Variants in SNX13 observed in about 807,000 individuals in gnomAD.
SNX13 encodes the protein sorting nexin 13.
In SNX13, 45 loss-of-function variants were observed where a neutral mutation model predicts 133.6. That is an observed-to-expected ratio of 0.34 (90% confidence interval 0.27 to 0.43). The LOEUF (loss-of-function observed/expected upper bound fraction) is 0.43. SNX13 is among the 20% of genes least tolerant of loss of function. The probability of loss-of-function intolerance (pLI) is 1.00; values close to 1 mark genes in which losing one functional copy is unlikely to be tolerated. For synonymous variants in SNX13, 414 were observed against 373.9 expected (o/e 1.11, Z -1.24); for missense variants, 1,032 against 1,145.1 (o/e 0.90, Z 1.43).
chr7:17,815,111 T>C (rs1228363438), intron 19 of SNX13, among the ~76,000 whole-genome samples, 167 bp from the exon 20 acceptor site: 1 of 152,148 alleles, frequency 6.6e-6, no homozygotes, highest in Non-Finnish European at 1.5e-5. Flanking sequence ...TCACCAATAA[T>C]TTTATGACGA....
At position 17,849,246 on chromosome 7, in the gene SNX13, C is replaced by A. The variant is rs148148236; in HGVS notation, c.1065+1101G>T. 2.5e-3 allele frequency among the ~76,000 whole-genome samples: 379 copies of A among 152,310 alleles called. 1 individual carries two copies. Among genetic ancestry groups the A allele is most frequent in the African/African-American group, 8.7e-3 (362 of 41,586 alleles). On this transcript the variant is annotated intron_variant, in intron 11 of 25. Coordinates refer to ENST00000428135, the MANE Select transcript of SNX13 (RefSeq NM_015132.5). ...TCAGTAAACAGCACCACTATTTATA[C>A]AGTTGCTCAAACCAAAATACCCTGA... is the stretch of plus-strand genomic sequence containing the variant.
At chr7:17,880,988 C>T (rs1181007819) in intron 5 of SNX13, 2 of 151,906 alleles carry the variant, frequency 1.3e-5, no homozygotes, top group Non-Finnish European at 2.9e-5. Flanking sequence ...AGAGGGTGAT[C>T]GCTTGGCAGT....
At chr7:17,919,560 GTAT>G (rs1799906813) in intron 1 of SNX13, among the ~76,000 whole-genome samples, 5 of 152,174 alleles carry the variant, frequency 3.3e-5, no homozygotes, top group Admixed American at 3.3e-4. Context: ...GTCTGAAACT[GTAT>G]CTATAAAACA....
chr7:17,816,104 T>C, intron 19 of SNX13, 78 bp downstream of exon 19: 1 of 1,405,188 alleles, frequency 7.1e-7, no homozygotes, highest in Non-Finnish European at 9.4e-7. Context: ...TTCTGTGTGC[T>C]ATATTAAATG....
chr7:17,869,664 C>G (rs985814976), intron 8 of SNX13, among the ~76,000 whole-genome samples: 1 of 152,148 alleles, frequency 6.6e-6, no homozygotes, highest in Admixed American at 6.5e-5. Context: ...CCAAAAAGCA[C>G]TAATGGAGGC....
intron 17 of SNX13, among the ~76,000 whole-genome samples, chr7:17,823,895 G>C (rs991076190): frequency 1.3e-5 from 2 of 151,568 alleles, no homozygotes; most frequent in Non-Finnish European, 2.9e-5. Flanking sequence ...GAATAGCAAG[G>C]AACAAAAAAG....
chr7:17,847,163 G>A (rs139494800), intron 11 of SNX13, among the ~76,000 whole-genome samples: 229 of 152,152 alleles, frequency 1.5e-3, no homozygotes, highest in African/African-American at 2.6e-3. Flanking sequence ...AAGTGAAACC[G>A]TATCTTTCTT....
intron 1 of SNX13, among the ~76,000 whole-genome samples, chr7:17,910,968 G>A (rs1798916812): frequency 6.6e-6 from 1 of 152,166 alleles, no homozygotes; most frequent in South Asian, 2.1e-4. Context: ...ATTAGAGGTG[G>A]TGGTTGCATA....
At chr7:17,812,513 G>A (rs1354342946) in intron 20 of SNX13, among the ~76,000 whole-genome samples, 1 of 152,194 alleles carries the variant, frequency 6.6e-6, no homozygotes, top group Non-Finnish European at 1.5e-5. Context: ...TGGAGAGGAT[G>A]TGGAGATACA....
intron 1 of SNX13, among the ~76,000 whole-genome samples, chr7:17,918,461 CA>C (rs1286350860): frequency 6.6e-6 from 1 of 151,260 alleles, no homozygotes; most frequent in Non-Finnish European, 1.5e-5. Context: ...TAAAAATGGG[CA>C]AAGGATATGA....
chr7:17,826,322 T>C (rs1430930209), intron 16 of SNX13, among the ~76,000 whole-genome samples: 1 of 151,910 alleles, frequency 6.6e-6, no homozygotes, highest in Non-Finnish European at 1.5e-5. Flanking sequence ...AAACTTAATA[T>C]ATTAGATTAT....
At chr7:17,884,762 T>G (rs1795788341) in intron 5 of SNX13, among the ~76,000 whole-genome samples, 2 of 152,076 alleles carry the variant, frequency 1.3e-5, no homozygotes, top group Admixed American at 6.6e-5. Context: ...AATAAGCACA[T>G]GAAAAGATGC....
At chr7:17,849,120 A>C (rs1160232092) in intron 11 of SNX13, among the ~76,000 whole-genome samples, 1 of 152,210 alleles carries the variant, frequency 6.6e-6, no homozygotes, top group Non-Finnish European at 1.5e-5. Context: ...CAAGATTGCC[A>C]ATTGGCATGT....
At chr7:17,843,623 C>T (rs1295544563) in intron 12 of SNX13, among the ~76,000 whole-genome samples, 1 of 152,014 alleles carries the variant, frequency 6.6e-6, no homozygotes, top group East Asian at 1.9e-4. Context: ...ACAGCTTCTT[C>T]TCAGGTACAC....
chr7:17,864,576 TG>T (rs1343080952), intron 9 of SNX13, among the ~76,000 whole-genome samples: 2 of 152,118 alleles, frequency 1.3e-5, no homozygotes, highest in African/African-American at 4.8e-5. Context: ...AGAGAGAGAC[TG>T]GGTAAAAAGT....
At position 17,870,657 on chromosome 7, in the gene SNX13, G is replaced by C. The variant is rs115076333; in HGVS notation, c.754-2167C>G. ...CACCACAGCCATCAAGAGGGTAAATGGGTTTCCTTTTGCATTAAAACTGAT... is the reference window on the plus strand; with the variant it reads ...CACCACAGCCATCAAGAGGGTAAATCGGTTTCCTTTTGCATTAAAACTGAT... On this transcript the variant is annotated intron_variant, in intron 8 of 25. Transcript: ENST00000428135. Among the ~76,000 whole-genome samples, 758 of 152,258 alleles carry C rather than the reference G, an allele frequency of 5.0e-3. 8 individuals carry two copies. The highest frequency in any genetic ancestry group is 0.017 in the African/African-American group (717 of 41,546).
chr7:17,939,794 C>G (rs1187371927), intron 1 of SNX13, among the ~76,000 whole-genome samples: 2 of 152,176 alleles, frequency 1.3e-5, no homozygotes, highest in Non-Finnish European at 2.9e-5. Context: ...CTTCATGAAG[C>G]AGTCAAAGTA....
chr7:17,800,190 G>T (rs933007578), intron 22 of SNX13, among the ~76,000 whole-genome samples: 1 of 151,316 alleles, frequency 6.6e-6, no homozygotes, highest in Non-Finnish European at 1.5e-5. Flanking sequence ...CATACCAAAG[G>T]TACAATGTTA....
rs3056689 is a variant in SNX13, at chr7:17,825,257, AACTAGACTAGACTAG to A, written c.1705+750_1705+764del. On this transcript the variant is annotated intron_variant, in intron 17 of 25. Coordinates refer to ENST00000428135, the MANE Select transcript of SNX13 (RefSeq NM_015132.5). ...AGTTAATGTCTTCTAAACTAGATTA[AACTAGACTAGACTAG>A]ACTAGACTAGACTAGACTAGACTAG... 9.6e-3 allele frequency among the ~76,000 whole-genome samples: 1,404 copies of A among 146,510 alleles called. 5 individuals are homozygous for A. Among genetic ancestry groups the A allele is most frequent in the Non-Finnish European group, 0.012 (803 of 66,590 alleles).
Sources: gnomAD v4.1 joint callset for allele counts (sites outside exome capture counted in the v4.1 genomes callset) on GRCh38, gnomAD v4.1.1 for gene constraint, MANE v1.5 for transcripts, NCBI Gene and HGNC (gene_info 2026-07-23, HGNC 2026-07-21) for gene names.